Variants in GPAT3 observed in about 807,000 individuals in gnomAD.
GPAT3 encodes glycerol-3-phosphate acyltransferase 3.
A neutral mutation model predicts 58.8 loss-of-function variants in GPAT3; 53 were observed. That is an observed-to-expected ratio of 0.90 (90% CI 0.72 to 1.13). The LOEUF (loss-of-function observed/expected upper bound fraction) is 1.13, where lower values mean the gene tolerates loss of function less well. GPAT3 is among the 50% of genes most tolerant of loss of function. GPAT3 has a pLI of 0.00. For missense variants in GPAT3, 511 were observed against 527.6 expected (o/e 0.97, Z 0.31); for synonymous variants, 197 against 187.4 (o/e 1.05, Z -0.42).
At chr4:83,549,595 C>T (rs1724675485) in intron 2 of GPAT3, among the ~76,000 whole-genome samples, 1 of 149,882 alleles carries the variant, frequency 6.7e-6, no homozygotes, top group Non-Finnish European at 1.5e-5. Context: ...TGCAGTGGGG[C>T]AATCTTGGCT....
At chr4:83,596,442 G>A (rs1726841409) in intron 7 of GPAT3, among the ~76,000 whole-genome samples, 3 of 152,096 alleles carry the variant, frequency 2.0e-5, no homozygotes, top group African/African-American at 7.2e-5. Context: ...GCAACATGGT[G>A]AAATGCCATC....
intron 2 of GPAT3, among the ~76,000 whole-genome samples, chr4:83,579,158 T>G (rs916831918): frequency 1.4e-4 from 19 of 137,646 alleles, no homozygotes; most frequent in Non-Finnish European, 3.0e-4. Context: ...TCTCTCTCTT[T>G]CTCTCTTTCT....
chr4:83,567,892 A>G (rs547682007), intron 2 of GPAT3, among the ~76,000 whole-genome samples: 14 of 152,162 alleles, frequency 9.2e-5, no homozygotes, highest in Admixed American at 2.0e-4. Context: ...TCTCTTTAGC[A>G]TGTTCATCTC....
At chr4:83,551,813 A>AAAATCTATCTATCTATCT (rs768726930) in intron 2 of GPAT3, among the ~76,000 whole-genome samples, 8,798 of 100,666 alleles carry the variant, frequency 0.087, 673 homozygotes, top group Non-Finnish European at 0.11. Context: ...AAAAAAAAAA[A>AAAATCTATCTATCTATCT]ATCTATCTAT....
At chr4:83,553,021 C>T (rs1724812697) in intron 2 of GPAT3, among the ~76,000 whole-genome samples, 1 of 152,172 alleles carries the variant, frequency 6.6e-6, no homozygotes, top group Non-Finnish European at 1.5e-5. Flanking sequence ...GGACTTCTAG[C>T]CTCCAGACCT....
At position 83,588,250 on chromosome 4, in the gene GPAT3, T is replaced by A; in HGVS notation, c.595T>A (p.Cys199Ser). 2 of 1,614,024 alleles carry A rather than the reference T, an allele frequency of 1.2e-6. No individual in the cohort carries two copies. Among genetic ancestry groups the A allele is most frequent in the Non-Finnish European group, 1.7e-6 (2 of 1,179,936 alleles). The change falls in exon 5 of 12, where the codon TGC becomes AGC. Residue 199 changes from cysteine to serine, a missense_variant. Cys to Ser is a moderately radical substitution (Grantham distance 112). Coordinates refer to ENST00000264409, the MANE Select transcript of GPAT3 (RefSeq NM_032717.5). ...WLSELVHLTC[C>S]RICVRALSGT... Reference sequence around the variant, plus strand: ...GAGTGAACTGGTCCATCTGACTTGCTGCCGGATCTGTGTGCGAGCCCTCTC... The same window carrying A: ...GAGTGAACTGGTCCATCTGACTTGCAGCCGGATCTGTGTGCGAGCCCTCTC...
intron 1 of GPAT3, among the ~76,000 whole-genome samples, chr4:83,538,714 T>TGA (rs1724189006): frequency 6.6e-6 from 1 of 152,184 alleles, no homozygotes; most frequent in Non-Finnish European, 1.5e-5. Context: ...GTCCAGGATC[T>TGA]GACTTTCAGT....
At chr4:83,547,468 G>A (rs377580105) in intron 2 of GPAT3, among the ~76,000 whole-genome samples, 4 of 151,392 alleles carry the variant, frequency 2.6e-5, no homozygotes, top group Non-Finnish European at 4.4e-5. Context: ...TAGCCAGGAT[G>A]GTCTCGATCT....
chr4:83,563,508 G>T, intron 2 of GPAT3, among the ~76,000 whole-genome samples: 1 of 122,124 alleles, frequency 8.2e-6, no homozygotes. Flanking sequence ...TTGAGATGGA[G>T]TCTCACTCTG....
chr4:83,580,634 A>G (rs1193401732), intron 2 of GPAT3, among the ~76,000 whole-genome samples: 1 of 152,226 alleles, frequency 6.6e-6, no homozygotes, highest in Non-Finnish European at 1.5e-5. Flanking sequence ...AAGTCATTGA[A>G]TAAAATGCTG....
intron 3 of GPAT3, among the ~76,000 whole-genome samples, chr4:83,585,600 C>T (rs1210327618): frequency 6.7e-6 from 1 of 149,910 alleles, no homozygotes; most frequent in African/African-American, 2.4e-5. Flanking sequence ...AAGATTGCTG[C>T]CTTTTACGCT....
Position 83,587,260 on chromosome 4 carries a change from C to T in GPAT3, c.485C>T (p.Thr162Ile), listed in dbSNP as rs1726410081. 1.2e-6 allele frequency: 2 copies of T among 1,613,282 alleles called. No individual in the cohort carries two copies. The highest frequency in any genetic ancestry group is 1.7e-6 in the Non-Finnish European group (2 of 1,179,778). Residue 162 changes from threonine to isoleucine, a missense_variant, in exon 4 of 12, where the codon ACC becomes ATC. By Grantham distance (89) the Thr-to-Ile change is moderately conservative. Transcript: ENST00000264409. The stretch of plus-strand genomic sequence containing the variant: ...CCCTCTCTTTTCTTTTTCAGGGTTA[C>T]CTTGGCTTTCATTGGGATCAGTTTG... ...RYCVLLPLRV[T>I]LAFIGISLLV...
At chr4:83,579,054 CTT>C (rs1578186204) in intron 2 of GPAT3, among the ~76,000 whole-genome samples, 8 of 34,510 alleles carry the variant, frequency 2.3e-4, no homozygotes, top group African/African-American at 1.0e-3. Flanking sequence ...TTCTTTCTTT[CTT>C]TCTTTCTTTC....
chr4:83,538,217 A>T (rs1331431083), intron 1 of GPAT3, among the ~76,000 whole-genome samples: 2 of 152,108 alleles, frequency 1.3e-5, no homozygotes, highest in Admixed American at 1.3e-4. Flanking sequence ...TGTACTTGCT[A>T]GCCTCCTGTA....
intron 2 of GPAT3, among the ~76,000 whole-genome samples, chr4:83,566,419 T>TTTATTATTATTATTA (rs10688921): frequency 0.016 from 2,365 of 143,566 alleles, 71 homozygotes; most frequent in African/African-American, 0.057. Context: ...AATTAATTAA[T>TTTATTATTATTATTA]TTATTATTAT....
intron 1 of GPAT3, among the ~76,000 whole-genome samples, chr4:83,541,569 C>T (rs1462819190): frequency 6.6e-6 from 1 of 152,026 alleles, no homozygotes; most frequent in African/African-American, 2.4e-5. Context: ...TTGTGTTATG[C>T]AGGGTAGACC....
chr4:83,561,592 G>T (rs1214278036), intron 2 of GPAT3, among the ~76,000 whole-genome samples: 1 of 152,080 alleles, frequency 6.6e-6, no homozygotes, highest in Non-Finnish European at 1.5e-5. Context: ...ATGATATCAA[G>T]TGTGTGATGT....
At chr4:83,577,787 G>GTTT (rs1333850658) in intron 2 of GPAT3, among the ~76,000 whole-genome samples, 27 of 97,624 alleles carry the variant, frequency 2.8e-4, no homozygotes, top group Non-Finnish European at 4.5e-4. Flanking sequence ...TGTCATTGTG[G>GTTT]CTTTTTTTTT....
chr4:83,593,214 G>A (rs1306538775), intron 6 of GPAT3, among the ~76,000 whole-genome samples: 9 of 136,564 alleles, frequency 6.6e-5, no homozygotes, highest in Admixed American at 2.5e-4. Flanking sequence ...GTCCAGGCTG[G>A]AGTGCAGTGG....
Sources: gnomAD v4.1 joint callset for allele counts (sites outside exome capture counted in the v4.1 genomes callset) on GRCh38, gnomAD v4.1.1 for gene constraint, MANE v1.5 for transcripts, NCBI Gene and HGNC (gene_info 2026-07-23, HGNC 2026-07-21) for gene names.